The following MGAM variants were observed in gnomAD, a reference collection of about 807,000 sequenced individuals.
The protein encoded by MGAM is maltase-glucoamylase, also known as alpha-1,4-glucosidase.
A neutral mutation model predicts 358.8 loss-of-function variants in MGAM; 253 were observed. The observed-to-expected ratio is 0.71, with a 90% CI of 0.64 to 0.78. The LOEUF (loss-of-function observed/expected upper bound fraction) is 0.78. Ranked by LOEUF, MGAM falls within the 30% of genes least tolerant of loss-of-function variation. The pLI, the probability that MGAM is intolerant of heterozygous loss-of-function variation, is 0.00. For missense variants in MGAM, 3,080 were observed against 3,432.6 expected (o/e 0.90, Z 2.57); for synonymous variants, 1,105 against 1,227.1 (o/e 0.90, Z 2.08).
chr7:142,023,314 T>A (rs190330687), intron 7 of MGAM, among the ~76,000 whole-genome samples: 2 of 152,178 alleles, frequency 1.3e-5, no homozygotes, highest in East Asian at 3.9e-4. Context: ...TCCTCTGGCC[T>A]TGGTCTCCCG....
Position 142,078,599 on chromosome 7 carries a change from G to A in MGAM, c.5646+129G>A, listed in dbSNP as rs561475494. On this transcript the variant is annotated intron_variant, in intron 48 of 70. Coordinates refer to ENST00000475668, the MANE Select transcript of MGAM (RefSeq NM_001365693.1). ...AAGGACTTCCTAAGGGACATGATCTGGATGTGACAAGTAGGTGGGGACATG... is the reference window on the plus strand; with the variant it reads ...AAGGACTTCCTAAGGGACATGATCTAGATGTGACAAGTAGGTGGGGACATG... 6.2e-5 allele frequency: 71 copies of A among 1,136,756 alleles called. 3 individuals are homozygous for A. In the African/African-American group the frequency reaches 9.6e-4, roughly 15 times the overall value. 70.4% of individuals were successfully genotyped at this position (1,136,756 alleles called of 1,614,324 possible).
In MGAM at chr7:142,052,796, T is replaced by A. The variant is rs764012099; in HGVS notation, c.2971T>A (p.Ser991Thr). 1.6e-5 allele frequency: 26 copies of A among 1,613,872 alleles called. No individual in the cohort carries two copies. The highest frequency in any genetic ancestry group is 2.1e-5 in the Non-Finnish European group (25 of 1,179,834). The change falls in exon 26 of 71, where the codon TCT (serine) becomes ACT (threonine). Residue 991 changes from serine to threonine, a missense_variant. Transcript: ENST00000475668. The part of the protein sequence containing the change: ...RGCIWEASNS[S>T]GVPFCYFVND... ...CCTTACTTTTCAGGCATCCAATTCTTCTGGAGTCCCTTTTTGCTATTTTGT... is the reference window on the plus strand; with the variant it reads ...CCTTACTTTTCAGGCATCCAATTCTACTGGAGTCCCTTTTTGCTATTTTGT...
intron 47 of MGAM, among the ~76,000 whole-genome samples, chr7:142,077,352 G>T (rs1381293002): frequency 1.4e-5 from 2 of 145,252 alleles, no homozygotes; most frequent in African/African-American, 4.9e-5. Flanking sequence ...GGGAGTGGGG[G>T]CTGGGGACTA....
intron 49 of MGAM, among the ~76,000 whole-genome samples, chr7:142,079,711 C>T (rs1269317465): frequency 6.8e-6 from 1 of 146,278 alleles, no homozygotes; most frequent in African/African-American, 2.4e-5. Context: ...AAGTCTAATA[C>T]AGAGCCTGGC....
chr7:142,065,347 G>A lies in MGAM; in HGVS notation c.4497G>A (p.Glu1499=). The A allele has an allele frequency of 1.2e-6, 2 of 1,609,630 alleles. No individual in the cohort carries two copies. The highest frequency in any genetic ancestry group is 1.7e-6 in the Non-Finnish European group (2 of 1,178,406). The change falls in exon 38 of 71, where the codon GAG becomes GAA. Residue 1499 remains glutamate (E), a synonymous_variant. Coordinates refer to ENST00000475668, the MANE Select transcript of MGAM (RefSeq NM_001365693.1). ...QTRPTYEAVQ[E]VTGQRGVVIT... is the part of the protein sequence containing the mutation. ...CCCTTCCAAGCAGAGCCGTGCAGGA[G>A]GTGACGGGACAGCGAGGGGTCGTCA...
At chr7:142,056,172 A>G (rs1278365787) in intron 29 of MGAM, 76 bp downstream of exon 29, 2 of 1,413,684 alleles carry the variant, frequency 1.4e-6, no homozygotes, top group Non-Finnish European at 1.9e-6. Context: ...TGTTTAGCCT[A>G]ACTGTTCCTT....
At chr7:142,034,517 A>G in intron 15 of MGAM, 138 bp downstream of exon 15, 1 of 965,530 alleles carries the variant, frequency 1.0e-6, no homozygotes, top group Non-Finnish European at 1.5e-6. Context: ...TTAATGATAC[A>G]GAATGCTCCC....
chr7:142,068,767 C>A (rs73740255), intron 43 of MGAM, 64 bp downstream of exon 43: 1 of 1,269,046 alleles, frequency 7.9e-7, no homozygotes, highest in Non-Finnish European at 1.1e-6. Flanking sequence ...GCTTTAGGTC[C>A]GATAGACCTT....
At chr7:142,032,413 C>T (rs10263152) in intron 13 of MGAM, among the ~76,000 whole-genome samples, 15,516 of 151,994 alleles carry the variant, frequency 0.1, 1,961 homozygotes, top group African/African-American at 0.3. Context: ...ATTATCGATA[C>T]GTTGGAATGC....
At chr7:142,052,206 ATT>A (rs71166554) in intron 24 of MGAM, 86 bp from the exon 25 acceptor site, 168 of 1,041,806 alleles carry the variant, frequency 1.6e-4, no homozygotes, top group Non-Finnish European at 1.8e-4. Flanking sequence ...TCTAATTTCT[ATT>A]TTTTTTTTAT....
intron 57 of MGAM, among the ~76,000 whole-genome samples, chr7:142,087,180 A>C (rs1814835163): frequency 7.0e-6 from 1 of 143,452 alleles, no homozygotes; most frequent in East Asian, 2.0e-4. Flanking sequence ...TTCCATGAAC[A>C]CGTTTCTCCC....
At position 142,043,661 on chromosome 7, in the gene MGAM, ATATAT is replaced by A. The variant is rs1415118435; in HGVS notation, c.2498+2821_2498+2825del. ...ACATATACTATCTAATATATAATAC[ATATAT>A]TATATATACATATACTATCTAATAT... On this transcript the variant is annotated intron_variant, in intron 21 of 70. Coordinates refer to ENST00000475668, the MANE Select transcript of MGAM (RefSeq NM_001365693.1). 9.3e-3 allele frequency among the ~76,000 whole-genome samples: 1,151 copies of A among 123,174 alleles called. 24 individuals are homozygous for A. Among genetic ancestry groups the A allele is most frequent in the African/African-American group, 0.042 (1,061 of 25,078 alleles). The allele number at this position is 123,174 out of a possible 152,430, so 80.8% of individuals were successfully genotyped here.
In MGAM at chr7:142,055,573, C is replaced by A. The variant is rs1384502752; in HGVS notation, c.3330C>A (p.Leu1110=). Residue 1110 remains leucine, a synonymous_variant, in exon 28 of 71, where the codon CTC becomes CTA. Coordinates refer to ENST00000475668, the MANE Select transcript of MGAM (RefSeq NM_001365693.1). The part of the protein sequence containing the change: ...STGTIIWDSQ[L]LGFTFSDMFI... ...TGTGTTTCAGTTGGGACTCTCAGCT[C>A]CTTGGCTTTACCTTCAGTGACATGT... 1 of 1,613,818 alleles carries A rather than the reference C, an allele frequency of 6.2e-7. No homozygotes were observed. Among genetic ancestry groups the A allele is most frequent in the Non-Finnish European group, 8.5e-7 (1 of 1,179,868 alleles).
At chr7:142,026,412 G>A (rs973570112) in intron 8 of MGAM, among the ~76,000 whole-genome samples, 3 of 152,118 alleles carry the variant, frequency 2.0e-5, no homozygotes, top group Non-Finnish European at 4.4e-5. Flanking sequence ...AGGTAGATTA[G>A]CAATAGAAAA....
rs1811892735 is a variant in MGAM at position 142,059,490 on chromosome 7, A to G, written c.3838A>G (p.Ile1280Val). The change falls in exon 32 of 71, where the codon ATC becomes GTC. Residue 1280 changes from isoleucine (I) to valine (V), a missense_variant. Physicochemically the swap from Ile to Val is conservative, Grantham distance 29. Around this residue, in one of 5 missense-constraint regions of MGAM, gnomAD observed 1,816 missense variants for 1,840.5 expected, o/e 0.99. Transcript: ENST00000475668. Reference sequence around the variant, plus strand: ...CCCGCAGGATGTGCAGTACTCAGACATCGACTACATGGAGCGGCAGCTGGA... The same window carrying G: ...CCCGCAGGATGTGCAGTACTCAGACGTCGACTACATGGAGCGGCAGCTGGA... ...QIPYDVQYSD[I>V]DYMERQLDFT... is the part of the protein sequence containing the mutation. 1 of 1,611,392 alleles carries G rather than the reference A, an allele frequency of 6.2e-7. No individual in the cohort carries two copies. The highest frequency in any genetic ancestry group is 2.2e-5 in the East Asian group (1 of 44,842).
intron 4 of MGAM, 126 bp downstream of exon 4, chr7:142,019,445 C>T (rs1052451919): frequency 1.1e-5 from 11 of 1,039,226 alleles, no homozygotes; most frequent in Middle Eastern, 2.6e-4. Context: ...AGAAGGTGGG[C>T]ATTGCTCTTA....
chr7:142,041,975 T>C (rs1584972241), intron 21 of MGAM, among the ~76,000 whole-genome samples: 8 of 23,656 alleles, frequency 3.4e-4, no homozygotes, highest in Non-Finnish European at 5.4e-4. Flanking sequence ...ATATATTATA[T>C]ATATATAATA....
chr7:142,034,618 C>CT, intron 15 of MGAM, 52 bp from the exon 16 acceptor site: 5 of 1,534,634 alleles, frequency 3.3e-6, no homozygotes, highest in Non-Finnish European at 4.5e-6. Flanking sequence ...ATCCCCTTGG[C>CT]TGAGACAAGC....
rs1363470476 is a variant in MGAM, at chr7:142,094,820, C to A, written c.7415C>A (p.Ala2472Asp). ...TGTGTTCGCTGGATGCAGCTGGGGGCCTTTTACCCCTTCTCAAGAAACCAC... is the reference window on the plus strand; with the variant it reads ...TGTGTTCGCTGGATGCAGCTGGGGGACTTTTACCCCTTCTCAAGAAACCAC... ...EMCVRWMQLG[A>D]FYPFSRNHNT... Residue 2472 changes from alanine (A) to aspartate (D), a missense_variant, in exon 63 of 71, where the codon GCC becomes GAC. Around this residue, in one of 5 missense-constraint regions of MGAM, gnomAD observed 932 missense variants for 1,198.2 expected, o/e 0.78. Coordinates refer to ENST00000475668, the MANE Select transcript of MGAM (RefSeq NM_001365693.1). 1.2e-6 allele frequency: 2 copies of A among 1,613,876 alleles called. No homozygotes were observed. The highest frequency in any genetic ancestry group is 2.2e-5 in the South Asian group (2 of 91,080).
Sources: allele counts gnomAD v4.1 joint callset (sites outside exome capture counted in the v4.1 genomes callset), GRCh38; gene constraint gnomAD v4.1.1; regional missense constraint gnomAD v4.1.1; transcripts MANE v1.5; gene names NCBI Gene and HGNC (gene_info 2026-07-23, HGNC 2026-07-21).